Variants in OR9Q1 observed in about 807,000 individuals in gnomAD.
OR9Q1 encodes olfactory receptor family 9 subfamily Q member 1.
For synonymous variants in OR9Q1, 153 were observed against 148.6 expected (o/e 1.03, Z -0.22); for missense variants, 374 against 378.8 (o/e 0.99, Z 0.11).
At chr11:58,082,197 G>T (rs542713634) in intron 2 of OR9Q1, among the ~76,000 whole-genome samples, 10 of 152,076 alleles carry the variant, frequency 6.6e-5, no homozygotes, top group Admixed American at 2.6e-4. Flanking sequence ...TGTGGAAGTC[G>T]GTGTGGCAAT....
chr11:58,118,645 G>T, intron 2 of OR9Q1: 1 of 1,613,954 alleles, frequency 6.2e-7, no homozygotes, highest in Non-Finnish European at 8.5e-7. Context: ...TTCCTCCAGA[G>T]ATTTGCCTGA....
intron 2 of OR9Q1, among the ~76,000 whole-genome samples, chr11:58,149,748 A>G (rs929846974): frequency 6.6e-6 from 1 of 152,202 alleles, no homozygotes; most frequent in Non-Finnish European, 1.5e-5. Flanking sequence ...TTCATTTAAC[A>G]CAATGTTCTC....
intron 2 of OR9Q1, among the ~76,000 whole-genome samples, chr11:58,070,830 G>C (rs1853480741): frequency 6.6e-6 from 1 of 152,190 alleles, no homozygotes; most frequent in South Asian, 2.1e-4. Context: ...TGGACAGTAG[G>C]TTACTTTGTT....
chr11:58,058,447 C>T (rs1219135361), intron 2 of OR9Q1, among the ~76,000 whole-genome samples: 1 of 152,182 alleles, frequency 6.6e-6, no homozygotes, highest in African/African-American at 2.4e-5. Context: ...GGCGCAGCGC[C>T]AACAGGAAGT....
chr11:58,079,520 G>A (rs141204582), intron 2 of OR9Q1, among the ~76,000 whole-genome samples: 108 of 152,188 alleles, frequency 7.1e-4, no homozygotes, highest in Admixed American at 1.5e-3. Context: ...AACTCTCATC[G>A]AAAGACTGAA....
chr11:58,042,631 T>A (rs1853176914), intron 1 of OR9Q1, among the ~76,000 whole-genome samples: 1 of 150,426 alleles, frequency 6.6e-6, no homozygotes, highest in Admixed American at 6.7e-5. Flanking sequence ...CGATGCGGGC[T>A]CTTTTTTGTT....
At chr11:58,146,560 T>C (rs1338784681) in intron 2 of OR9Q1, among the ~76,000 whole-genome samples, 2 of 152,212 alleles carry the variant, frequency 1.3e-5, no homozygotes, top group African/African-American at 4.8e-5. Context: ...ACTTGGGATA[T>C]AGATAATCAA....
chr11:58,098,203 C>T (rs1179018077), intron 2 of OR9Q1, among the ~76,000 whole-genome samples: 1 of 152,086 alleles, frequency 6.6e-6, no homozygotes, highest in Non-Finnish European at 1.5e-5. Flanking sequence ...GGTTTTTTAT[C>T]CCGTCGTGGG....
chr11:58,035,755 C>T (rs1853094844), intron 1 of OR9Q1, among the ~76,000 whole-genome samples: 1 of 152,278 alleles, frequency 6.6e-6, no homozygotes, highest in African/African-American at 2.4e-5. Context: ...TTTTGAAAAT[C>T]ATTTCATTTA....
At chr11:58,081,344 T>A (rs1437984063) in intron 2 of OR9Q1, among the ~76,000 whole-genome samples, 1 of 152,122 alleles carries the variant, frequency 6.6e-6, no homozygotes, top group Non-Finnish European at 1.5e-5. Context: ...GTAATGGGAT[T>A]GCTGGGTGAA....
At position 58,136,319 on chromosome 11, in the gene OR9Q1, T is replaced by C. The variant is rs369237437; in HGVS notation, c.-14-43112T>C. On this transcript the variant is annotated intron_variant, in intron 2 of 2. Coordinates refer to ENST00000335397, the MANE Select transcript of OR9Q1 (RefSeq NM_001005212.4). ...ACTGTGGAGCATGGTGGGTTCATGA[T>C]GGCGTTAAGGATGCACTTTCTTCCT... Among the ~76,000 whole-genome samples, 51 of 152,332 alleles carry C rather than the reference T, an allele frequency of 3.3e-4. 1 individual carries two copies. In the South Asian group the frequency reaches 9.9e-3, roughly 30 times the overall value.
chr11:58,062,882 G>C (rs1262628441), intron 2 of OR9Q1, among the ~76,000 whole-genome samples: 1 of 152,142 alleles, frequency 6.6e-6, no homozygotes, highest in Non-Finnish European at 1.5e-5. Context: ...GAGGCTTGAG[G>C]CTGCGTTGTT....
chr11:58,158,660 C>T (rs143409508), intron 2 of OR9Q1, among the ~76,000 whole-genome samples: 1 of 152,220 alleles, frequency 6.6e-6, no homozygotes, highest in Non-Finnish European at 1.5e-5. Flanking sequence ...TTCCATCTTC[C>T]AGGCCATAGT....
At chr11:58,132,330 T>A (rs1260834182) in intron 2 of OR9Q1, among the ~76,000 whole-genome samples, 1 of 152,232 alleles carries the variant, frequency 6.6e-6, no homozygotes, top group Non-Finnish European at 1.5e-5. Flanking sequence ...GTAAGGAGTC[T>A]GGAGCCAGCC....
Position 58,055,313 on chromosome 11 carries a change from G to A in OR9Q1, c.-92-557G>A, listed in dbSNP as rs896179431. ...GCCCTTAAGAACTTATACTACATAAGCACCGATGAAATTACCTAAAAGCCT... is the reference window on the plus strand; with the variant it reads ...GCCCTTAAGAACTTATACTACATAAACACCGATGAAATTACCTAAAAGCCT... On this transcript the variant is annotated intron_variant, in intron 1 of 2. Transcript: ENST00000335397. Among the ~76,000 whole-genome samples the A allele has an allele frequency of 1.9e-4, 29 of 152,182 alleles. 1 individual carries two copies. The highest frequency in any genetic ancestry group is 7.0e-4 in the African/African-American group (29 of 41,510).
chr11:58,110,246 G>A (rs1427143927), intron 2 of OR9Q1, among the ~76,000 whole-genome samples: 2 of 152,160 alleles, frequency 1.3e-5, no homozygotes, highest in African/African-American at 2.4e-5. Flanking sequence ...GGCTCTGTGT[G>A]TTGGGTAAAA....
chr11:58,143,890 T>A (rs185313888), intron 2 of OR9Q1, among the ~76,000 whole-genome samples: 1 of 152,062 alleles, frequency 6.6e-6, no homozygotes, highest in African/African-American at 2.4e-5. Context: ...AAAAACAATA[T>A]GTGCTTCGAA....
chr11:58,081,972 G>C (rs1853591806), intron 2 of OR9Q1, among the ~76,000 whole-genome samples: 1 of 151,624 alleles, frequency 6.6e-6, no homozygotes, highest in South Asian at 2.1e-4. Flanking sequence ...TGTTAAGTTA[G>C]GTCTTCTTCA....
intron 2 of OR9Q1, among the ~76,000 whole-genome samples, chr11:58,084,517 A>G (rs936499717): frequency 8.6e-5 from 13 of 151,864 alleles, no homozygotes; most frequent in African/African-American, 3.2e-4. Flanking sequence ...AATATCCCCT[A>G]TGAATATGCA....
Sources: allele counts gnomAD v4.1 joint callset (sites outside exome capture counted in the v4.1 genomes callset), GRCh38; gene constraint gnomAD v4.1.1; transcripts MANE v1.5; gene names NCBI Gene and HGNC (gene_info 2026-07-23, HGNC 2026-07-21).